EXOC6B: variants seen among roughly 807,000 people sequenced by gnomAD.
EXOC6B encodes the protein SEC15 homolog B.
A neutral mutation model predicts 113.5 loss-of-function variants in EXOC6B; 54 were observed. The observed-to-expected ratio is 0.48, with a 90% confidence interval of 0.38 to 0.60. The LOEUF is 0.60. Ranked by LOEUF, EXOC6B falls within the 20% of genes least tolerant of loss-of-function variation. The pLI is 0.00. For missense variants in EXOC6B, 797 were observed against 977.5 expected (o/e 0.82, Z 2.46); for synonymous variants, 357 against 339.0 (o/e 1.05, Z -0.58).
At chr2:72,600,783 G>C (rs1307023665) in intron 6 of EXOC6B, among the ~76,000 whole-genome samples, 1 of 151,876 alleles carries the variant, frequency 6.6e-6, no homozygotes, top group Non-Finnish European at 1.5e-5. Context: ...GGTAACCTTG[G>C]GTTCAGTTAC....
At chr2:72,262,030 A>C (rs1309784464) in intron 20 of EXOC6B, among the ~76,000 whole-genome samples, 1 of 152,202 alleles carries the variant, frequency 6.6e-6, no homozygotes, top group African/African-American at 2.4e-5. Context: ...AATAGGACAT[A>C]GATCTCCTGA....
At chr2:72,216,603 A>G (rs2104407842) in intron 20 of EXOC6B, among the ~76,000 whole-genome samples, 1 of 152,304 alleles carries the variant, frequency 6.6e-6, no homozygotes, top group East Asian at 1.9e-4. Context: ...ACATGCACAC[A>G]TATGTTTATT....
intron 20 of EXOC6B, among the ~76,000 whole-genome samples, chr2:72,288,087 A>C (rs975286479): frequency 2.0e-5 from 3 of 152,202 alleles, no homozygotes; most frequent in African/African-American, 7.2e-5. Flanking sequence ...AAGGTTGCTC[A>C]ACATCATTAG....
intron 1 of EXOC6B, 49 bp from the exon 2 acceptor site, chr2:72,741,518 G>T: frequency 6.7e-7 from 1 of 1,502,040 alleles, no homozygotes; most frequent in Non-Finnish European, 8.9e-7. Flanking sequence ...CTTCTAAGAA[G>T]GAAAAACAAA....
chr2:72,272,889 C>T (rs1684581435), intron 20 of EXOC6B, among the ~76,000 whole-genome samples: 1 of 152,078 alleles, frequency 6.6e-6, no homozygotes, highest in East Asian at 1.9e-4. Context: ...TAATTCCCTC[C>T]TATTAAGTTT....
intron 8 of EXOC6B, among the ~76,000 whole-genome samples, chr2:72,550,742 G>A (rs147746605): frequency 1.3e-5 from 2 of 151,844 alleles, no homozygotes; most frequent in Admixed American, 6.6e-5. Context: ...TATGGTCATC[G>A]TACAATTAAG....
chr2:72,731,193 A>T lies in EXOC6B; in HGVS notation c.380T>A (p.Ile127Asn). The change falls in exon 4 of 22, where the codon ATT becomes AAT. Residue 127 changes from isoleucine to asparagine, a missense_variant. Ile to Asn is a moderately radical substitution (Grantham distance 149, BLOSUM62 -3). Transcript: ENST00000272427. ...LKQCRLQQRNISATVDKLMLC... is the reference protein window; with the variant it reads ...LKQCRLQQRNNSATVDKLMLC... ...CATTAATTTATCAACAGTGGCAGAAATATTTCTCTGTTGTAGTCGACACTG... is the reference window on the plus strand; with the variant it reads ...CATTAATTTATCAACAGTGGCAGAATTATTTCTCTGTTGTAGTCGACACTG... The T allele has an allele frequency of 6.2e-7, 1 of 1,613,508 alleles. No individual in the cohort carries two copies. The highest frequency in any genetic ancestry group is 8.5e-7 in the Non-Finnish European group (1 of 1,179,732).
At chr2:72,666,808 CACACACACACACACAA>C (rs1320605367) in intron 6 of EXOC6B, among the ~76,000 whole-genome samples, 5 of 150,778 alleles carry the variant, frequency 3.3e-5, no homozygotes, top group Admixed American at 6.6e-5. Context: ...CACACACACA[CACACACACACACACAA>C]AGAAATGCCT....
chr2:72,718,841 A>G (rs1296693000), intron 5 of EXOC6B, among the ~76,000 whole-genome samples: 2 of 152,220 alleles, frequency 1.3e-5, no homozygotes, highest in African/African-American at 2.4e-5. Flanking sequence ...GTGAGACTCA[A>G]TCTTAAAAAA....
At chr2:72,630,653 T>C (rs776183412) in intron 6 of EXOC6B, among the ~76,000 whole-genome samples, 3 of 152,134 alleles carry the variant, frequency 2.0e-5, no homozygotes, top group Non-Finnish European at 4.4e-5. Flanking sequence ...TAAATATTTA[T>C]TTTCATTCCA....
chr2:72,612,576 A>G (rs958047019), intron 6 of EXOC6B, among the ~76,000 whole-genome samples: 10 of 152,182 alleles, frequency 6.6e-5, no homozygotes, highest in African/African-American at 2.2e-4. Flanking sequence ...GGGAAAGACA[A>G]CTCAGCTTTT....
intron 17 of EXOC6B, among the ~76,000 whole-genome samples, chr2:72,471,976 T>G (rs1698442111): frequency 6.6e-6 from 1 of 152,212 alleles, no homozygotes; most frequent in South Asian, 2.1e-4. Flanking sequence ...TCTATTAAGA[T>G]GACCATATGG....
At chr2:72,601,448 G>A (rs1573467327) in intron 6 of EXOC6B, among the ~76,000 whole-genome samples, 2 of 152,254 alleles carry the variant, frequency 1.3e-5, no homozygotes, top group South Asian at 4.1e-4. Flanking sequence ...GCCTCCCAAA[G>A]TGCTGGGATT....
intron 1 of EXOC6B, among the ~76,000 whole-genome samples, chr2:72,748,340 T>C (rs1366321386): frequency 6.6e-6 from 1 of 152,070 alleles, no homozygotes; most frequent in African/African-American, 2.4e-5. Flanking sequence ...ATTCCAAATG[T>C]TAAAAATAAA....
intron 18 of EXOC6B, among the ~76,000 whole-genome samples, chr2:72,425,962 T>C (rs1218601286): frequency 6.6e-6 from 1 of 152,216 alleles, no homozygotes; most frequent in Admixed American, 6.5e-5. Context: ...ATTTTTTAAA[T>C]CTTAAAAGTG....
At chr2:72,501,763 CTTTT>C (rs34702887) in intron 11 of EXOC6B, among the ~76,000 whole-genome samples, 1 of 139,700 alleles carries the variant, frequency 7.2e-6, no homozygotes, top group African/African-American at 2.7e-5. Flanking sequence ...AAAAAAAACA[CTTTT>C]TTTTTTTTTT....
chr2:72,637,209 C>T (rs67869181), intron 6 of EXOC6B, among the ~76,000 whole-genome samples: 19,853 of 151,912 alleles, frequency 0.13, 1,489 homozygotes, highest in African/African-American at 0.2. Context: ...AATTGCGAGA[C>T]TAAATATAGT....
chr2:72,659,721 T>C (rs894663583), intron 6 of EXOC6B, among the ~76,000 whole-genome samples: 2 of 152,146 alleles, frequency 1.3e-5, no homozygotes, highest in Admixed American at 6.5e-5. Context: ...CCCTATTTTA[T>C]CCTGCAAAGA....
intron 6 of EXOC6B, 127 bp from the exon 7 acceptor site, chr2:72,575,795 G>A: frequency 1.2e-6 from 1 of 823,516 alleles, no homozygotes; most frequent in Non-Finnish European, 1.8e-6. Context: ...TGAACAAATT[G>A]ATATCTTAAC....
Sources: gnomAD v4.1 joint callset for allele counts (sites outside exome capture counted in the v4.1 genomes callset) on GRCh38, gnomAD v4.1.1 for gene constraint, MANE v1.5 for transcripts, NCBI Gene and HGNC (gene_info 2026-07-23, HGNC 2026-07-21) for gene names.